The following CDH4 variants were observed in gnomAD, a reference collection of about 807,000 sequenced individuals.
CDH4 encodes the protein cadherin-4.
In CDH4, 33 loss-of-function variants were observed where a neutral mutation model predicts 86.0. That is an observed-to-expected ratio of 0.38 (90% CI 0.29 to 0.51). CDH4 has a LOEUF of 0.51. Among genes scored for constraint, CDH4 ranks in the 20% least tolerant of loss-of-function variants. The pLI is 0.86. For synonymous variants in CDH4, 555 were observed against 549.4 expected (o/e 1.01, Z -0.14); for missense variants, 1,114 against 1,307.4 (o/e 0.85, Z 2.28).
intron 2 of CDH4, among the ~76,000 whole-genome samples, chr20:61,374,517 T>C (rs1423376266): frequency 6.6e-6 from 1 of 152,184 alleles, no homozygotes; most frequent in African/African-American, 2.4e-5. Flanking sequence ...TTAAGGTACC[T>C]GGACAACAGT....
rs562973844 is a variant in CDH4, at chr20:61,420,346, G to T, written c.169+165409G>T. ...GGTGCTCCTTGCTCTGGAAGGCATT[G>T]ATCTTGCCACTAAAGGCCATGGAAT... On this transcript the variant is annotated intron_variant, in intron 2 of 15. Transcript: ENST00000614565. Among the ~76,000 whole-genome samples, 16 of 152,314 alleles carry T rather than the reference G, an allele frequency of 1.1e-4. 1 individual carries two copies. The South Asian group carries it at 3.3e-3, about 32-fold the overall frequency.
intron 2 of CDH4, among the ~76,000 whole-genome samples, chr20:61,514,648 T>TG (rs1423950475): frequency 2.0e-5 from 3 of 152,346 alleles, no homozygotes; most frequent in African/African-American, 7.2e-5. Flanking sequence ...GTCTCATCAC[T>TG]GGCTTGTCAA....
intron 2 of CDH4, among the ~76,000 whole-genome samples, chr20:61,630,169 C>T (rs908611925): frequency 6.6e-6 from 1 of 152,320 alleles, no homozygotes; most frequent in Non-Finnish European, 1.5e-5. Flanking sequence ...CCTCAGCCAC[C>T]ATCCCCAGCC....
intron 7 of CDH4, among the ~76,000 whole-genome samples, chr20:61,882,420 G>C (rs1206352373): frequency 1.3e-5 from 2 of 152,236 alleles, no homozygotes; most frequent in African/African-American, 4.8e-5. Context: ...TATTAATCTT[G>C]TTTTAACTCG....
rs1981470118 is a variant in CDH4 at position 61,829,201 on chromosome 20, T to C, written c.577-15467T>C. On this transcript the variant is annotated intron_variant, in intron 4 of 15. Transcript: ENST00000614565. This position sits in a 1 kb window ranked among gnomAD's most constrained non-coding sequence, Gnocchi z 4.2. Reference sequence around the variant, plus strand: ...TCGCCCCCAGCAGCCAATAACGTACTTCCTGTCTCTATGGATTTGCCTGTC... The same window carrying C: ...TCGCCCCCAGCAGCCAATAACGTACCTCCTGTCTCTATGGATTTGCCTGTC... Among the ~76,000 whole-genome samples the C allele has an allele frequency of 6.6e-6, 1 of 152,246 alleles. No individual in the cohort carries two copies. Among genetic ancestry groups the C allele is most frequent in the Admixed American group, 6.5e-5 (1 of 15,290 alleles).
At chr20:61,361,573 T>C (rs556473422) in intron 2 of CDH4, among the ~76,000 whole-genome samples, 132 of 152,312 alleles carry the variant, frequency 8.7e-4, no homozygotes, top group African/African-American at 3.0e-3. Flanking sequence ...AAAAGGAAGA[T>C]GCTCCCATTT....
chr20:61,862,668 A>T (rs1268002931), intron 6 of CDH4, among the ~76,000 whole-genome samples: 1 of 152,190 alleles, frequency 6.6e-6, no homozygotes, highest in Admixed American at 6.5e-5. Flanking sequence ...AGGGCTCGGG[A>T]ACTCACCCAG....
intron 2 of CDH4, among the ~76,000 whole-genome samples, chr20:61,620,058 G>T (rs376796213): frequency 6.8e-6 from 1 of 146,256 alleles, no homozygotes; most frequent in Admixed American, 7.0e-5. Context: ...TGCTTGCAAG[G>T]CCTGTCCTCC....
intron 2 of CDH4, among the ~76,000 whole-genome samples, chr20:61,715,539 C>CATTAATCCATTCACGAGGGCAGAGCCCTG (rs2087943438): frequency 6.6e-6 from 1 of 152,194 alleles, no homozygotes; most frequent in South Asian, 2.1e-4. Context: ...AAGATAACAA[C>CATTAATCCATTCACGAGGGCAGAGCCCTG]ATTAATCCAT....
chr20:61,839,332 G>A (rs371987241), intron 4 of CDH4, among the ~76,000 whole-genome samples: 199 of 151,882 alleles, frequency 1.3e-3, no homozygotes, highest in African/African-American at 4.4e-3. Flanking sequence ...GTGTTCGTGC[G>A]TATGCATATT....
At chr20:61,644,486 T>C (rs1423221418) in intron 2 of CDH4, among the ~76,000 whole-genome samples, 2 of 152,128 alleles carry the variant, frequency 1.3e-5, no homozygotes, top group African/African-American at 4.8e-5. Context: ...TGGTCCCAGA[T>C]ACTTGCAATA....
intron 9 of CDH4, among the ~76,000 whole-genome samples, 158 bp downstream of exon 9, chr20:61,910,765 A>G (rs2054842506): frequency 6.6e-6 from 1 of 152,174 alleles, no homozygotes; most frequent in Admixed American, 6.5e-5. Flanking sequence ...GGCAGACACA[A>G]CCTTCACAAG....
At chr20:61,550,291 C>G (rs538044001) in intron 2 of CDH4, among the ~76,000 whole-genome samples, 1 of 139,708 alleles carries the variant, frequency 7.2e-6, no homozygotes, top group African/African-American at 2.9e-5. Flanking sequence ...CCCTGGCCTC[C>G]CTGCCCCAAC....
chr20:61,561,632 T>C (rs1476977744), intron 2 of CDH4, among the ~76,000 whole-genome samples: 1 of 152,256 alleles, frequency 6.6e-6, no homozygotes. Flanking sequence ...GCCTGCTGCC[T>C]GTTTTTACAA....
intron 10 of CDH4, among the ~76,000 whole-genome samples, chr20:61,924,048 T>C (rs1212944902): frequency 6.6e-6 from 1 of 152,154 alleles, no homozygotes; most frequent in Non-Finnish European, 1.5e-5. Context: ...ATGGGGACAA[T>C]GAGGGCGTCT....
intron 2 of CDH4, among the ~76,000 whole-genome samples, chr20:61,727,022 G>A (rs1195505270): frequency 7.1e-6 from 1 of 139,910 alleles, no homozygotes; most frequent in South Asian, 2.3e-4. Context: ...ATCACCATTG[G>A]TGCTGCCATC....
At chr20:61,622,075 A>G (rs1250854195) in intron 2 of CDH4, among the ~76,000 whole-genome samples, 2 of 152,204 alleles carry the variant, frequency 1.3e-5, no homozygotes, top group Non-Finnish European at 2.9e-5. Flanking sequence ...TATTAGGATC[A>G]ATACTCAAGG....
intron 9 of CDH4, among the ~76,000 whole-genome samples, chr20:61,918,426 A>G (rs879104747): frequency 2.0e-5 from 3 of 152,172 alleles, no homozygotes; most frequent in South Asian, 4.1e-4. Context: ...CCAGGCACCT[A>G]TGGGGCACAG....
chr20:61,508,731 G>C (rs1384096042), intron 2 of CDH4, among the ~76,000 whole-genome samples: 1 of 152,244 alleles, frequency 6.6e-6, no homozygotes, highest in African/African-American at 2.4e-5. Context: ...GGCTCAGCCT[G>C]GGTGGCCACC....
Sources: gnomAD v4.1 joint callset for allele counts (sites outside exome capture counted in the v4.1 genomes callset) on GRCh38, gnomAD v4.1.1 for gene constraint, Gnocchi (gnomAD v3.1) non-coding constraint, MANE v1.5 for transcripts, NCBI Gene and HGNC (gene_info 2026-07-23, HGNC 2026-07-21) for gene names.